The following THRAP3 variants were observed in gnomAD, a reference collection of about 807,000 sequenced individuals.
THRAP3 encodes the protein thyroid hormone receptor associated protein 3.
THRAP3 carries 16 observed loss-of-function variants against 101.0 expected under a neutral mutation model. That is an observed-to-expected ratio of 0.16 (90% CI 0.11 to 0.24). The LOEUF (loss-of-function observed/expected upper bound fraction) is 0.24, where lower values mean the gene tolerates loss of function less well. Among genes scored for constraint, THRAP3 ranks in the 10% least tolerant of loss-of-function variants. THRAP3 has a pLI of 1.00. For missense variants in THRAP3, 989 were observed against 1,202.7 expected, an observed-to-expected ratio of 0.82 and a Z score of 2.63; for synonymous variants, 407 against 422.6, an observed-to-expected ratio of 0.96 and a Z score of 0.45.
At chr1:36,249,239 T>C (rs145715167) in intron 1 of THRAP3, among the ~76,000 whole-genome samples, 4,986 of 141,134 alleles carry the variant, frequency 0.035, 130 homozygotes, top group Middle Eastern at 0.094. Flanking sequence ...TCGCCCAGGC[T>C]GGAATGCAGT....
the THRAP3 span, among the ~76,000 whole-genome samples, chr1:36,208,679 G>A: frequency 6.6e-6 from 1 of 151,798 alleles, no homozygotes; most frequent in Non-Finnish European, 1.5e-5. Flanking sequence ...TTTTTTGTTT[G>A]TTTTAAGATG....
Position 36,300,876 on chromosome 1 carries a change from C to G in THRAP3, c.2304-10C>G, listed in dbSNP as rs749251852. 3 of 1,612,430 alleles carry G rather than the reference C, an allele frequency of 1.9e-6. No individual in the cohort carries two copies. Among genetic ancestry groups the G allele is most frequent in the East Asian group, 4.5e-5 (2 of 44,904 alleles). ...GATGATTGATCACCCTGGCTCTTCT[C>G]TTTTCACAGGAAGCATCGGAGAGCA... On this transcript the variant is annotated splice_polypyrimidine_tract_variant and intron_variant, in intron 9 of 11. Transcript: ENST00000354618.
chr1:36,233,667 G>C (rs1645054044), intron 1 of THRAP3, among the ~76,000 whole-genome samples: 2 of 152,166 alleles, frequency 1.3e-5, no homozygotes, highest in Non-Finnish European at 2.9e-5. Flanking sequence ...TTAGGGGGCT[G>C]AGGCAGGAGG....
intron 1 of THRAP3, among the ~76,000 whole-genome samples, chr1:36,225,877 A>G (rs143185471): frequency 1.3e-5 from 2 of 152,300 alleles, no homozygotes; most frequent in Admixed American, 6.5e-5. Flanking sequence ...TGCATTTTGT[A>G]AGAGAGTTGT....
chr1:36,220,203 G>A (rs1413180825), upstream of THRAP3, among the ~76,000 whole-genome samples: 1 of 152,128 alleles, frequency 6.6e-6, no homozygotes, highest in Non-Finnish European at 1.5e-5. Context: ...GTGTTGGCCA[G>A]GCTGGTGTCA....
chr1:36,242,752 C>CT (rs1645177613), intron 1 of THRAP3, among the ~76,000 whole-genome samples: 1 of 152,130 alleles, frequency 6.6e-6, no homozygotes, highest in Non-Finnish European at 1.5e-5. Context: ...CGCCCACCCT[C>CT]TGTTTTGATT....
intron 1 of THRAP3, among the ~76,000 whole-genome samples, chr1:36,246,430 A>G (rs554160923): frequency 1.3e-5 from 2 of 152,016 alleles, no homozygotes; most frequent in East Asian, 2.0e-4. Context: ...ACGGGGTTTC[A>G]CCATGTTGGC....
intron 2 of THRAP3, among the ~76,000 whole-genome samples, chr1:36,266,919 T>C (rs527787626): frequency 3.3e-5 from 5 of 152,122 alleles, no homozygotes; most frequent in South Asian, 2.1e-4. Flanking sequence ...TTACTCTTGT[T>C]GGCCAGGCTG....
At chr1:36,303,554 A>G (rs190368411) in intron 11 of THRAP3, among the ~76,000 whole-genome samples, 2 of 152,298 alleles carry the variant, frequency 1.3e-5, no homozygotes, top group East Asian at 1.9e-4. Flanking sequence ...ATCATTGTCA[A>G]TCATCGTTAC....
At chr1:36,270,461 C>T (rs1645575036) in intron 2 of THRAP3, among the ~76,000 whole-genome samples, 3 of 151,996 alleles carry the variant, frequency 2.0e-5, no homozygotes, top group Admixed American at 2.0e-4. Context: ...AAGACAGGCC[C>T]TTTTAAACCT....
chr1:36,227,828 C>T (rs779455357), intron 1 of THRAP3, among the ~76,000 whole-genome samples: 1 of 152,142 alleles, frequency 6.6e-6, no homozygotes, highest in Non-Finnish European at 1.5e-5. Flanking sequence ...GCCTGGGCAA[C>T]AGAGTGATAC....
chr1:36,280,531 A>G (rs2124575520), intron 2 of THRAP3, among the ~76,000 whole-genome samples: 1 of 152,214 alleles, frequency 6.6e-6, no homozygotes, highest in East Asian at 1.9e-4. Flanking sequence ...TCAAATTCTG[A>G]GGGGTAGGAG....
chr1:36,212,685 G>T, the THRAP3 span, among the ~76,000 whole-genome samples: 80 of 152,070 alleles, frequency 5.3e-4, no homozygotes, highest in African/African-American at 1.9e-3. Context: ...CTCCCAAAGT[G>T]CTGGGATTAC....
chr1:36,260,895 A>G (rs116554273), intron 2 of THRAP3, among the ~76,000 whole-genome samples: 2,600 of 151,472 alleles, frequency 0.017, 35 homozygotes, highest in Non-Finnish European at 0.026. Flanking sequence ...TTACAACATT[A>G]TTATGATTAC....
intron 1 of THRAP3, among the ~76,000 whole-genome samples, chr1:36,245,900 AG>A (rs1645225125): frequency 6.6e-6 from 1 of 152,222 alleles, no homozygotes; most frequent in African/African-American, 2.4e-5. Flanking sequence ...AATAAATTTA[AG>A]ATTATAGTAC....
chr1:36,253,366 T>G (rs1272472143), intron 1 of THRAP3, among the ~76,000 whole-genome samples: 1 of 152,172 alleles, frequency 6.6e-6, no homozygotes, highest in Non-Finnish European at 1.5e-5. Flanking sequence ...ATATGGAGAT[T>G]TAGTTTACAC....
At chr1:36,263,278 C>T (rs1645471485) in intron 2 of THRAP3, among the ~76,000 whole-genome samples, 1 of 151,872 alleles carries the variant, frequency 6.6e-6, no homozygotes, top group Admixed American at 6.6e-5. Flanking sequence ...TTTTGTATTT[C>T]TTGTAGAGAT....
intron 2 of THRAP3, among the ~76,000 whole-genome samples, chr1:36,262,135 TC>T (rs1239791230): frequency 6.6e-6 from 1 of 152,226 alleles, no homozygotes; most frequent in African/African-American, 2.4e-5. Context: ...ATTCAATATA[TC>T]CAGTACATTC....
In THRAP3 at chr1:36,302,023, C is replaced by A. The variant is rs541641347; in HGVS notation, c.2646+327C>A. Reference sequence around the variant, plus strand: ...CTCATTTCTGTGGATACAGCCATAACCCTTCCCTGATGCCGCTGTCCCTCT... The same window carrying A: ...CTCATTTCTGTGGATACAGCCATAAACCTTCCCTGATGCCGCTGTCCCTCT... On this transcript the variant is annotated intron_variant, in intron 11 of 11. Transcript: ENST00000354618. 5.4e-4 allele frequency among the ~76,000 whole-genome samples: 82 copies of A among 152,316 alleles called. 1 individual carries two copies. In the South Asian group the frequency reaches 0.016, roughly 30 times the overall value.
Sources: gnomAD v4.1 joint callset for allele counts (sites outside exome capture counted in the v4.1 genomes callset) on GRCh38, gnomAD v4.1.1 for gene constraint, MANE v1.5 for transcripts, NCBI Gene and HGNC (gene_info 2026-07-23, HGNC 2026-07-21) for gene names.